TENM4: variants seen among roughly 807,000 people sequenced by gnomAD.
TENM4 encodes teneurin-4.
A neutral mutation model predicts 243.3 loss-of-function variants in TENM4; 82 were observed. That is an observed-to-expected ratio of 0.34 (90% CI 0.28 to 0.40). The LOEUF (loss-of-function observed/expected upper bound fraction) is 0.40, where lower values mean the gene tolerates loss of function less well. TENM4 is among the 10% of genes least tolerant of loss of function. TENM4 has a pLI of 1.00. For synonymous variants in TENM4, 1,412 were observed against 1,456.3 expected, an observed-to-expected ratio of 0.97 and a Z score of 0.69; for missense variants, 3,138 against 3,673.3, an observed-to-expected ratio of 0.85 and a Z score of 3.77.
chr11:79,092,715 C>T (rs1449517102), intron 4 of TENM4: 1 of 152,234 alleles, frequency 6.6e-6, no homozygotes, highest in African/African-American at 2.4e-5. Flanking sequence ...ATCCATCAAA[C>T]ATTTACTGAA....
intron 9 of TENM4, among the ~76,000 whole-genome samples, chr11:78,869,155 C>T (rs758265093): frequency 6.6e-6 from 1 of 151,604 alleles, no homozygotes; most frequent in Non-Finnish European, 1.5e-5. Context: ...GAAGCAAACT[C>T]GATGTCTAAA....
intron 3 of TENM4, among the ~76,000 whole-genome samples, chr11:79,173,812 A>G (rs981825097): frequency 6.6e-6 from 1 of 152,126 alleles, no homozygotes; most frequent in African/African-American, 2.4e-5. Context: ...ATCATGTGGG[A>G]CTCACAGTGA....
At chr11:79,258,150 A>C (rs961568230) in intron 2 of TENM4, among the ~76,000 whole-genome samples, 1 of 152,178 alleles carries the variant, frequency 6.6e-6, no homozygotes, top group Admixed American at 6.5e-5. Flanking sequence ...TCAGACAAAT[A>C]GGCCTTTGGA....
chr11:79,351,648 G>C (rs557417676), intron 1 of TENM4, among the ~76,000 whole-genome samples: 4 of 152,302 alleles, frequency 2.6e-5, no homozygotes, highest in African/African-American at 7.2e-5. Context: ...GAAGGTTGCA[G>C]TGAGCTGAGA....
chr11:79,053,816 C>T (rs1402964917), intron 6 of TENM4, among the ~76,000 whole-genome samples: 1 of 152,204 alleles, frequency 6.6e-6, no homozygotes, highest in African/African-American at 2.4e-5. Flanking sequence ...TGGAGTCCCT[C>T]TTCATCCTTT....
chr11:79,280,765 C>G (rs182891783), intron 2 of TENM4, among the ~76,000 whole-genome samples: 1 of 152,122 alleles, frequency 6.6e-6, no homozygotes, highest in Non-Finnish European at 1.5e-5. Context: ...CTCCCCAGTG[C>G]GAAAGAGATG....
intron 19 of TENM4, among the ~76,000 whole-genome samples, chr11:78,753,433 C>T (rs1415976724): frequency 2.0e-5 from 3 of 152,226 alleles, no homozygotes; most frequent in African/African-American, 7.2e-5. Context: ...GGACAGAAAG[C>T]AACTACTTAA....
At position 78,805,282 on chromosome 11, in the gene TENM4, C is replaced by CACCCCCCCCCCCCCCCCCCCCCTT; in HGVS notation, c.2179+9_2179+10insAAGGGGGGGGGGGGGGGGGGGGGT. ...CCCTCTACCCATGCTTCTTCTCCCC[C>CACCCCCCCCCCCCCCCCCCCCCTT]TGCATTTACCGATAGAACAGTCGTG... On this transcript the variant is annotated intron_variant, in intron 15 of 33. Transcript: ENST00000278550. 1 of 995,566 alleles carries CACCCCCCCCCCCCCCCCCCCCCTT rather than the reference C, an allele frequency of 1.0e-6. No homozygotes were observed. The highest frequency in any genetic ancestry group is 1.2e-6 in the Non-Finnish European group (1 of 823,790). 61.7% of individuals were successfully genotyped at this position (995,566 alleles called of 1,614,324 possible).
intron 2 of TENM4, among the ~76,000 whole-genome samples, chr11:79,266,289 C>T (rs1311770312): frequency 6.6e-6 from 1 of 152,180 alleles, no homozygotes; most frequent in East Asian, 1.9e-4. Flanking sequence ...ATATCTACTG[C>T]ATACCTACTA....
At position 79,269,458 on chromosome 11, in the gene TENM4, G is replaced by C. The variant is rs112053730; in HGVS notation, c.-265+28030C>G. On this transcript the variant is annotated intron_variant, in intron 2 of 33. Coordinates refer to ENST00000278550, the MANE Select transcript of TENM4 (RefSeq NM_001098816.3). ...CCTTCCTACAGACTGTCTCCCAGGG[G>C]CTTCTACAGACAGAAAGCAGAAATA... 2.6e-5 allele frequency: 4 copies of C among 152,294 alleles called. No homozygotes were observed. The South Asian group carries it at 8.3e-4, about 32-fold the overall frequency. 9.4% of individuals were successfully genotyped at this position (152,294 alleles called of 1,614,324 possible).
At chr11:79,270,438 A>G (rs1223125981) in intron 2 of TENM4, among the ~76,000 whole-genome samples, 2 of 152,194 alleles carry the variant, frequency 1.3e-5, no homozygotes, top group African/African-American at 2.4e-5. Context: ...TCTAATTACC[A>G]TAATTATCTA....
intron 2 of TENM4, among the ~76,000 whole-genome samples, chr11:79,223,933 C>T (rs1410432355): frequency 1.3e-5 from 2 of 152,198 alleles, no homozygotes; most frequent in African/African-American, 4.8e-5. Flanking sequence ...CCTGATAGGG[C>T]CATGTCACTA....
At chr11:79,290,004 C>T (rs1856327040) in intron 2 of TENM4, among the ~76,000 whole-genome samples, 1 of 151,704 alleles carries the variant, frequency 6.6e-6, no homozygotes, top group Non-Finnish European at 1.5e-5. Context: ...CCATGTTAGC[C>T]AGGCGGGTCT....
intron 18 of TENM4, among the ~76,000 whole-genome samples, chr11:78,763,400 G>A (rs931188983): frequency 6.6e-6 from 1 of 151,992 alleles, no homozygotes; most frequent in African/African-American, 2.4e-5. Flanking sequence ...AAAGAAGGGG[G>A]GCCAGCATCT....
chr11:79,199,013 C>T (rs12418484), intron 3 of TENM4, among the ~76,000 whole-genome samples: 11,185 of 152,130 alleles, frequency 0.074, 924 homozygotes, highest in East Asian at 0.41. Context: ...TGATGTTAGA[C>T]GCTGCAAGTT....
intron 1 of TENM4, among the ~76,000 whole-genome samples, chr11:79,383,850 T>G (rs1858055050): frequency 2.0e-5 from 3 of 152,258 alleles, no homozygotes; most frequent in Non-Finnish European, 2.9e-5. Context: ...GCTTTCTGTG[T>G]GTCAAGCCTT....
chr11:79,105,660 G>A (rs1861347360), intron 4 of TENM4, among the ~76,000 whole-genome samples: 1 of 152,226 alleles, frequency 6.6e-6, no homozygotes, highest in Non-Finnish European at 1.5e-5. Context: ...AGGCTGGTCA[G>A]TGCCTATGTC....
chr11:78,946,738 A>G (rs985670973), intron 6 of TENM4, among the ~76,000 whole-genome samples: 4 of 152,236 alleles, frequency 2.6e-5, no homozygotes, highest in African/African-American at 9.6e-5. Flanking sequence ...AGTTTGGAAG[A>G]AACTGATTCC....
intron 10 of TENM4, among the ~76,000 whole-genome samples, chr11:78,856,785 T>C (rs1410969109): frequency 5.9e-5 from 9 of 152,138 alleles, no homozygotes; most frequent in Non-Finnish European, 8.8e-5. Flanking sequence ...AGAGGAAATA[T>C]TTCTGCAAAA....
Sources: allele counts gnomAD v4.1 joint callset (sites outside exome capture counted in the v4.1 genomes callset), GRCh38; gene constraint gnomAD v4.1.1; transcripts MANE v1.5; gene names NCBI Gene and HGNC (gene_info 2026-07-23, HGNC 2026-07-21).